The following PAK6 variants were observed in gnomAD, a reference collection of about 807,000 sequenced individuals.
PAK6 encodes the protein p21 (RAC1) activated kinase 6.
A neutral mutation model predicts 60.8 loss-of-function variants in PAK6; 33 were observed. The observed-to-expected ratio is 0.54, with a 90% CI of 0.41 to 0.73. PAK6 has a LOEUF of 0.73. Among genes scored for constraint, PAK6 ranks in the 30% least tolerant of loss-of-function variants. The pLI is 0.00. For synonymous variants in PAK6, 404 were observed against 378.5 expected (o/e 1.07, Z -0.78); for missense variants, 845 against 904.1 (o/e 0.93, Z 0.84).
intron 9 of PAK6, 32 bp from the exon 10 acceptor site, chr15:40,274,110 G>A: frequency 6.2e-7 from 1 of 1,613,094 alleles, no homozygotes; most frequent in Non-Finnish European, 8.5e-7. Flanking sequence ...CCAGGGTCTG[G>A]CCATGGGGTC....
At chr15:40,253,661 G>A (rs1034789429) in intron 3 of PAK6, among the ~76,000 whole-genome samples, 1 of 152,232 alleles carries the variant, frequency 6.6e-6, no homozygotes, top group African/African-American at 2.4e-5. Context: ...CAGGCCCAGT[G>A]GCTGTGCAGG....
At chr15:40,252,621 G>C (rs773338047) in intron 2 of PAK6, 1 of 1,342,484 alleles carries the variant, frequency 7.4e-7, no homozygotes, top group South Asian at 1.2e-5. Flanking sequence ...CCCGCGCCGA[G>C]GTCCCTCCCG....
chr15:40,239,787 A>G, exon 1 of PAK6: 1 of 153,546 alleles, frequency 6.5e-6, no homozygotes, highest in Non-Finnish European at 1.4e-5. Context: ...GGATTGGCTT[A>G]GGCTGGCCTG....
chr15:40,257,780 G>A (rs2038878066), intron 3 of PAK6, among the ~76,000 whole-genome samples: 1 of 152,150 alleles, frequency 6.6e-6, no homozygotes, highest in Admixed American at 6.5e-5. Context: ...TCTCCAGGGA[G>A]GAGACGTTGA....
chr15:40,267,247 G>C (rs1415631749), intron 5 of PAK6, among the ~76,000 whole-genome samples: 1 of 152,132 alleles, frequency 6.6e-6, no homozygotes, highest in African/African-American at 2.4e-5. Flanking sequence ...GACAAGCCTG[G>C]GTACTCCCCT....
chr15:40,264,941 C>T, exon 4 of PAK6: 4 of 1,613,736 alleles, frequency 2.5e-6, no homozygotes, highest in Non-Finnish European at 3.4e-6. Context: ...GCCCCAAGCC[C>T]GTGGTGGACC....
At chr15:40,273,571 A>T in exon 9 of PAK6, 1 of 1,613,970 alleles carries the variant, frequency 6.2e-7, no homozygotes, top group South Asian at 1.1e-5. Context: ...CGGACTTCGG[A>T]TTCTGTGCTC....
At position 40,265,888 on chromosome 15, in the gene PAK6, G is replaced by T. The variant is rs778905710; in HGVS notation, c.251G>T (p.Gly84Val). 12 of 1,572,414 alleles carry T rather than the reference G, an allele frequency of 7.6e-6. No individual in the cohort carries two copies. The South Asian group carries it at 1.1e-4, about 14-fold the overall frequency. Residue 84 changes from glycine to valine, a missense_variant, in exon 5 of 11, where the codon GGG (glycine) becomes GTG (valine). Coordinates refer to ENST00000560346, the Ensembl canonical transcript of PAK6. ...ATGCCTGTGGATGGCTACATCTCGG[G>T]GCTGCTCAACGACATCCAGAAGTTG...
exon 11 of PAK6, chr15:40,276,181 C>G: frequency 8.1e-7 from 1 of 1,229,162 alleles, no homozygotes; most frequent in Middle Eastern, 2.1e-4. Flanking sequence ...CTGCCTCCTC[C>G]TCTCAGTATT....
exon 6 of PAK6, chr15:40,272,641 G>A: frequency 6.2e-7 from 1 of 1,609,074 alleles, no homozygotes; most frequent in South Asian, 1.1e-5. Flanking sequence ...CTTGGCCCGG[G>A]AGAAGCACTC....
intron 5 of PAK6, among the ~76,000 whole-genome samples, chr15:40,270,265 C>A (rs1235693680): frequency 6.6e-6 from 1 of 152,166 alleles, no homozygotes; most frequent in East Asian, 1.9e-4. Flanking sequence ...CATGCGCCCT[C>A]CACCCCCCTC....
intron 2 of PAK6, among the ~76,000 whole-genome samples, chr15:40,249,214 C>T (rs1259496486): frequency 6.6e-6 from 1 of 152,060 alleles, no homozygotes; most frequent in Non-Finnish European, 1.5e-5. Context: ...GCTTTCGTGA[C>T]TTAATCACCT....
intron 5 of PAK6, among the ~76,000 whole-genome samples, chr15:40,270,470 G>A (rs543387040): frequency 2.0e-5 from 3 of 152,288 alleles, no homozygotes; most frequent in South Asian, 2.1e-4. Context: ...CTCTGCACAC[G>A]TCCCTGCATT....
chr15:40,257,390 C>T (rs531976317), intron 3 of PAK6, among the ~76,000 whole-genome samples: 1 of 152,330 alleles, frequency 6.6e-6, no homozygotes, highest in South Asian at 2.1e-4. Flanking sequence ...TGGGCTGTGT[C>T]CTTTCCTTGA....
intron 3 of PAK6, 126 bp downstream of exon 3, chr15:40,253,415 G>A (rs1206484377): frequency 2.4e-5 from 9 of 373,112 alleles, no homozygotes. Flanking sequence ...GCTAGGCAGC[G>A]GAGGTGGTCC....
At chr15:40,275,276 G>GGTTTTCTT (rs1345353324) in intron 10 of PAK6, among the ~76,000 whole-genome samples, 4 of 21,466 alleles carry the variant, frequency 1.9e-4, no homozygotes, top group Admixed American at 1.6e-3. Context: ...TTCTGTTGTT[G>GGTTTTCTT]TTGGTTTTTT....
In PAK6 at chr15:40,272,906, A is replaced by G. The variant is rs529880620; in HGVS notation, c.1397A>G (p.Glu466Gly). 10 of 1,614,030 alleles carry G rather than the reference A, an allele frequency of 6.2e-6. No homozygotes were observed. In the South Asian group the frequency reaches 8.8e-5, roughly 14 times the overall value. The change falls in exon 7 of 11, where the codon GAG (glutamate) becomes GGG (glycine). Residue 466 changes from glutamate (E) to glycine (G), a missense_variant. Coordinates refer to ENST00000560346, the Ensembl canonical transcript of PAK6. ...GACTACCAGCACTTCAACGTGGTGG[A>G]GATGTACAAGAGCTACCTGGTGGGC...
At chr15:40,273,509 C>T (rs781701702) in intron 8 of PAK6, 37 bp downstream of exon 8, 15 of 1,613,664 alleles carry the variant, frequency 9.3e-6, no homozygotes, top group Middle Eastern at 1.6e-4. Flanking sequence ...GCCACGCTCC[C>T]ACTTCCTCCT....
chr15:40,246,024 G>C (rs978987215), intron 2 of PAK6: 1 of 152,366 alleles, frequency 6.6e-6, no homozygotes, highest in African/African-American at 2.4e-5. Flanking sequence ...GCCCACGCTT[G>C]TCAGTCAAGT....
Sources: allele counts gnomAD v4.1 joint callset (sites outside exome capture counted in the v4.1 genomes callset), GRCh38; gene constraint gnomAD v4.1.1; transcripts MANE v1.5; gene names NCBI Gene and HGNC (gene_info 2026-07-23, HGNC 2026-07-21).